The following BRF1 variants were observed in gnomAD, a reference collection of about 807,000 sequenced individuals.
BRF1 encodes the protein transcription factor IIIB 90 kDa subunit.
In BRF1, 59 loss-of-function variants were observed where a neutral mutation model predicts 81.7. The ratio of observed to expected loss-of-function variants is 0.72; its 90% CI spans 0.59 to 0.90. BRF1 has a LOEUF of 0.90. Among genes scored for constraint, BRF1 ranks in the 40% least tolerant of loss-of-function variants. The pLI is 0.00. For synonymous variants in BRF1, 491 were observed against 395.6 expected (o/e 1.24, Z -2.86); for missense variants, 1,050 against 936.3 (o/e 1.12, Z -1.58).
At chr14:105,286,181 C>T (rs768901801) in intron 2 of BRF1, 115 bp downstream of exon 2, 75 of 1,183,492 alleles carry the variant, frequency 6.3e-5, no homozygotes, top group East Asian at 7.7e-5. Flanking sequence ...TGCAGGGTGA[C>T]GAGGAAGTGG....
At chr14:105,241,567 A>G in intron 5 of BRF1, 153 bp from the exon 6 acceptor site, 1 of 996,432 alleles carries the variant, frequency 1.0e-6, no homozygotes, top group Non-Finnish European at 1.5e-6. Context: ...AGCCTCTCTG[A>G]CCCTCAGCTA....
chr14:105,274,331 G>GC (rs2056787491), intron 2 of BRF1, among the ~76,000 whole-genome samples: 1 of 152,160 alleles, frequency 6.6e-6, no homozygotes, highest in African/African-American at 2.4e-5. Flanking sequence ...CGGTGCCGGT[G>GC]CAGGTCCTTG....
At chr14:105,225,924 G>GCCT in intron 10 of BRF1, 145 bp downstream of exon 10, 1 of 805,204 alleles carries the variant, frequency 1.2e-6, no homozygotes, top group Non-Finnish European at 1.9e-6. Flanking sequence ...GGGATTACAG[G>GCCT]CGTGAGCCAC....
chr14:105,213,000 G>C (rs770542797), intron 15 of BRF1: 1 of 152,218 alleles, frequency 6.6e-6, no homozygotes, highest in African/African-American at 2.4e-5. Flanking sequence ...CTGAGGCCCC[G>C]GGCTCCCCAT....
intron 12 of BRF1, 199 bp downstream of exon 12, chr14:105,219,870 C>T (rs587670908): frequency 5.3e-5 from 33 of 625,662 alleles, no homozygotes; most frequent in South Asian, 4.5e-4. Flanking sequence ...CTCGACAGGC[C>T]GCCCCCGAGC....
chr14:105,292,094 A>C (rs1043450446), intron 1 of BRF1, among the ~76,000 whole-genome samples: 2 of 152,176 alleles, frequency 1.3e-5, no homozygotes, highest in Non-Finnish European at 2.9e-5. Context: ...GGACTCAAGG[A>C]ATCCTCCCAC....
chr14:105,219,830 C>T (rs935031810), intron 12 of BRF1: 5 of 578,494 alleles, frequency 8.6e-6, no homozygotes, highest in African/African-American at 1.9e-5. Flanking sequence ...TGCCGAGGGC[C>T]GCAAGGACCA....
At chr14:105,260,889 C>A (rs1467975286) in intron 3 of BRF1, among the ~76,000 whole-genome samples, 1 of 152,228 alleles carries the variant, frequency 6.6e-6, no homozygotes, top group African/African-American at 2.4e-5. Flanking sequence ...ATATCACATT[C>A]CCTCTGGCCA....
intron 1 of BRF1, among the ~76,000 whole-genome samples, chr14:105,314,239 C>A (rs1361915600): frequency 7.2e-6 from 1 of 139,772 alleles, no homozygotes; most frequent in Non-Finnish European, 1.6e-5. Flanking sequence ...GCCAACCCAG[C>A]GGGGGTCGGC....
At chr14:105,299,246 C>T (rs2057880888) in intron 1 of BRF1, among the ~76,000 whole-genome samples, 1 of 152,000 alleles carries the variant, frequency 6.6e-6, no homozygotes, top group Admixed American at 6.6e-5. Context: ...ACAAAGAACT[C>T]CCAAAACTCA....
chr14:105,241,769 C>T (rs753172105), intron 5 of BRF1: 55 of 298,572 alleles, frequency 1.8e-4, no homozygotes, highest in Admixed American at 4.2e-4. Flanking sequence ...GGTCCGGGGA[C>T]TCTTAGAGCA....
In BRF1 at chr14:105,290,497, C is replaced by T. The variant is rs184254957; in HGVS notation, c.185-4121G>A. 4.6e-5 allele frequency among the ~76,000 whole-genome samples: 7 copies of T among 152,330 alleles called. No individual in the cohort carries two copies. The East Asian group carries it at 1.4e-3, about 29-fold the overall frequency. On this transcript the variant is annotated intron_variant, in intron 1 of 17. Transcript: ENST00000547530. ...CGCCGTACAGCCTCCATTATAGCCA[C>T]GTTTCCCTGCCTAGGTACAGTGGGC...
upstream of BRF1, among the ~76,000 whole-genome samples, chr14:105,302,850 G>A (rs1033203109): frequency 6.6e-6 from 1 of 151,930 alleles, no homozygotes; most frequent in Admixed American, 6.6e-5. Context: ...CAAAGTGCTG[G>A]GATTACAGGC....
rs1566886840 is a variant in BRF1, at chr14:105,309,974, CG to C, written c.-162+5347del. Among the ~76,000 whole-genome samples, 1 of 151,264 alleles carries C rather than the reference CG, an allele frequency of 6.6e-6. No individual in the cohort carries two copies. The highest frequency in any genetic ancestry group is 2.4e-5 in the African/African-American group (1 of 41,222). ...CTAATTTTTGTATTTTTAGTAGAGA[CG>C]GGGTTTCAGTGTATTGGTCAGGCTA... On this transcript the variant is annotated intron_variant, in intron 1 of 17. Coordinates refer to the BRF1 transcript ENST00000327359. This position sits in a 1 kb window ranked among gnomAD's most constrained non-coding sequence, Gnocchi z 4.0.
Position 105,265,045 on chromosome 14 carries a change from C to CT in BRF1, c.439+7675dup, listed in dbSNP as rs587772604. 2.4e-3 allele frequency among the ~76,000 whole-genome samples: 321 copies of CT among 134,986 alleles called. 5 individuals carry two copies. Among genetic ancestry groups the CT allele is most frequent in the Middle Eastern group, 3.9e-3 (1 of 254 alleles). 88.6% of individuals were successfully genotyped at this position (134,986 alleles called of 152,430 possible). A position where few individuals can be genotyped will look rare whatever the true frequency, so the allele number is the denominator to read the frequency against. ...CATCAAGTCATAAGTTCTACTTATC[C>CT]TTTTTTTTGTTTTTTTTTTGTTTGT... On this transcript the variant is annotated intron_variant, in intron 3 of 17. Coordinates refer to ENST00000547530, the MANE Select transcript of BRF1 (RefSeq NM_001519.4).
Position 105,228,874 on chromosome 14 carries a change from G to A in BRF1, c.734C>T (p.Thr245Ile), listed in dbSNP as rs1182244527. 1.2e-6 allele frequency: 2 copies of A among 1,613,848 alleles called. No individual in the cohort carries two copies. The highest frequency in any genetic ancestry group is 1.7e-6 in the Non-Finnish European group (2 of 1,180,018). The stretch of plus-strand genomic sequence containing the variant: ...GACCACACTGATGACCTCCTTCACA[G>A]TCCTCCTGAAGTCATGCATTCTGGC... ...VAARMHDFRR[T>I]VKEVISVVKV... is the part of the protein sequence containing the mutation. The change falls in exon 7 of 18, where the codon ACT becomes ATT. Residue 245 changes from threonine (T) to isoleucine (I), a missense_variant. Coordinates refer to ENST00000547530, the MANE Select transcript of BRF1 (RefSeq NM_001519.4).
chr14:105,302,596 T>A (rs898168223), upstream of BRF1, among the ~76,000 whole-genome samples: 2 of 152,296 alleles, frequency 1.3e-5, no homozygotes, highest in East Asian at 1.9e-4. Context: ...CTTCATTTTT[T>A]AAAAATTGAG....
chr14:105,312,133 C>T (rs964078440), intron 1 of BRF1, among the ~76,000 whole-genome samples: 3 of 152,200 alleles, frequency 2.0e-5, no homozygotes, highest in Admixed American at 2.0e-4. Context: ...GAGATGAATG[C>T]GTTTCCAAGC....
intron 3 of BRF1, among the ~76,000 whole-genome samples, chr14:105,260,917 T>C (rs1644150884): frequency 6.6e-6 from 1 of 152,344 alleles, no homozygotes; most frequent in African/African-American, 2.4e-5. Flanking sequence ...GAGGGCCTAC[T>C]AATGCCTTTG....
Sources: allele counts gnomAD v4.1 joint callset (sites outside exome capture counted in the v4.1 genomes callset), GRCh38; gene constraint gnomAD v4.1.1; non-coding constraint Gnocchi (gnomAD v3.1); transcripts MANE v1.5; gene names NCBI Gene and HGNC (gene_info 2026-07-23, HGNC 2026-07-21).